CPED1: variants seen among roughly 807,000 people sequenced by gnomAD.
CPED1 encodes the protein cadherin-like and PC-esterase domain-containing protein 1.
In CPED1, 114 loss-of-function variants were observed where a neutral mutation model predicts 128.2. The observed-to-expected ratio is 0.89, with a 90% confidence interval of 0.76 to 1.04. The LOEUF (loss-of-function observed/expected upper bound fraction) is 1.04, where lower values mean the gene tolerates loss of function less well. Among genes scored for constraint, CPED1 ranks in the 50% least tolerant of loss-of-function variants. The probability of loss-of-function intolerance (pLI) is 0.00; values close to 1 mark genes in which losing one functional copy is unlikely to be tolerated. For synonymous variants in CPED1, 462 were observed against 426.7 expected (o/e 1.08, Z -1.02); for missense variants, 1,211 against 1,207.1 (o/e 1.00, Z -0.05).
Position 121,142,058 on chromosome 7 carries a change from A to T in CPED1, c.1972A>T (p.Ile658Phe), listed in dbSNP as rs149580891. 1 of 1,612,754 alleles carries T rather than the reference A, an allele frequency of 6.2e-7. No homozygotes were observed. Among genetic ancestry groups the T allele is most frequent in the East Asian group, 2.2e-5 (1 of 44,838 alleles). The change falls in exon 16 of 23, where the codon ATC becomes TTC. Residue 658 changes from isoleucine to phenylalanine, a missense_variant. Ile to Phe is a conservative substitution (Grantham distance 21). Transcript: ENST00000310396. ...ATCTCCAGCACACGGTGAGACTCTG[A>T]TCACGTACAAACTCACCATCTATAG... is the stretch of plus-strand genomic sequence containing the variant. ...DESPAHGETL[I>F]TYKLTIYRED...
At chr7:121,209,307 C>T (rs1181490215) in intron 16 of CPED1, among the ~76,000 whole-genome samples, 8 of 151,872 alleles carry the variant, frequency 5.3e-5, no homozygotes. Flanking sequence ...TTTTTCTGGT[C>T]ATGGGTTCTT....
intron 16 of CPED1, among the ~76,000 whole-genome samples, chr7:121,193,281 C>G (rs760939177): frequency 1.5e-4 from 23 of 152,070 alleles, no homozygotes; most frequent in South Asian, 6.2e-4. Context: ...AGAGAAGAAA[C>G]CAAAAGTGAA....
At chr7:121,150,799 C>T (rs1392704132) in intron 16 of CPED1, among the ~76,000 whole-genome samples, 7 of 151,644 alleles carry the variant, frequency 4.6e-5, no homozygotes, top group Admixed American at 6.6e-5. Flanking sequence ...GATGGAGTCT[C>T]GCTCTGTCAC....
At chr7:121,096,127 C>T (rs1459280927) in intron 5 of CPED1, among the ~76,000 whole-genome samples, 1 of 152,044 alleles carries the variant, frequency 6.6e-6, no homozygotes, top group Non-Finnish European at 1.5e-5. Flanking sequence ...GCTGTTCATT[C>T]ATCACCTCCA....
chr7:121,079,772 T>C (rs1238203988), intron 5 of CPED1, among the ~76,000 whole-genome samples: 1 of 152,234 alleles, frequency 6.6e-6, no homozygotes, highest in Non-Finnish European at 1.5e-5. Context: ...GTCAAACTGA[T>C]TTGGGAAATT....
chr7:121,252,337 G>T (rs1299813266), intron 18 of CPED1, among the ~76,000 whole-genome samples: 1 of 152,140 alleles, frequency 6.6e-6, no homozygotes, highest in East Asian at 1.9e-4. Context: ...AGACTTACAT[G>T]TTAGACCTAA....
chr7:121,271,589 A>G (rs1333667201), intron 22 of CPED1, among the ~76,000 whole-genome samples, 159 bp downstream of exon 22: 1 of 152,176 alleles, frequency 6.6e-6, no homozygotes, highest in Non-Finnish European at 1.5e-5. Context: ...CAAGGCATGT[A>G]GTAACCACAA....
intron 16 of CPED1, among the ~76,000 whole-genome samples, chr7:121,147,066 T>G (rs1796039456): frequency 1.3e-5 from 2 of 152,114 alleles, no homozygotes; most frequent in Admixed American, 1.3e-4. Context: ...TTGCCAAATG[T>G]CTGTTGAGGG....
intron 16 of CPED1, among the ~76,000 whole-genome samples, chr7:121,199,673 C>CAAAAAAAAAA (rs1160203035): frequency 2.3e-5 from 2 of 86,944 alleles, no homozygotes; most frequent in African/African-American, 9.2e-5. Flanking sequence ...GAGACTCCAT[C>CAAAAAAAAAA]AAAAAAAAAA....
chr7:121,235,372 G>T (rs938901024), intron 16 of CPED1, among the ~76,000 whole-genome samples: 8 of 152,176 alleles, frequency 5.3e-5, no homozygotes, highest in Non-Finnish European at 1.2e-4. Flanking sequence ...ATTAAGAAAT[G>T]AAAATATGTA....
rs530221028 is a variant in CPED1 at position 121,260,979 on chromosome 7, G to A, written c.2311-5248G>A. 3.3e-5 allele frequency among the ~76,000 whole-genome samples: 5 copies of A among 152,076 alleles called. No homozygotes were observed. In the South Asian group the frequency reaches 1.0e-3, roughly 32 times the overall value. On this transcript the variant is annotated intron_variant, in intron 18 of 22. Coordinates refer to ENST00000310396, the MANE Select transcript of CPED1 (RefSeq NM_024913.5). ...CTCTTCCTGCCGCAACAGATCAGAAGACTCTGAGAAGCTAACGAGTTATAC... is the reference window on the plus strand; with the variant it reads ...CTCTTCCTGCCGCAACAGATCAGAAAACTCTGAGAAGCTAACGAGTTATAC...
At chr7:121,186,809 G>C (rs1174027777) in intron 16 of CPED1, among the ~76,000 whole-genome samples, 1 of 152,030 alleles carries the variant, frequency 6.6e-6, no homozygotes, top group Non-Finnish European at 1.5e-5. Context: ...CTTTTCTAGA[G>C]GAGAAAAAAA....
intron 15 of CPED1, among the ~76,000 whole-genome samples, chr7:121,141,470 C>T (rs946318911): frequency 6.6e-6 from 1 of 151,978 alleles, no homozygotes; most frequent in African/African-American, 2.4e-5. Context: ...GAACCTTATT[C>T]TGTGCTGTGT....
chr7:121,101,151 C>A (rs969970976), intron 7 of CPED1, among the ~76,000 whole-genome samples: 2 of 152,072 alleles, frequency 1.3e-5, no homozygotes, highest in African/African-American at 4.8e-5. Flanking sequence ...TCTCAAGACT[C>A]TTTTGGTCTC....
At position 121,117,422 on chromosome 7, in the gene CPED1, T is replaced by C. The variant is rs568543676; in HGVS notation, c.919-6909T>C. 2.1e-3 allele frequency among the ~76,000 whole-genome samples: 324 copies of C among 152,226 alleles called. 1 individual carries two copies. Among genetic ancestry groups the C allele is most frequent in the African/African-American group, 7.6e-3 (314 of 41,554 alleles). ...GGCCAAATTATATTCAAATACAACATGTACATTAAATTAAAAAATTATATC... is the reference window on the plus strand; with the variant it reads ...GGCCAAATTATATTCAAATACAACACGTACATTAAATTAAAAAATTATATC... On this transcript the variant is annotated intron_variant, in intron 7 of 22. Transcript: ENST00000310396.
At chr7:121,120,966 T>TAAAAA (rs539242359) in intron 7 of CPED1, among the ~76,000 whole-genome samples, 28 of 91,670 alleles carry the variant, frequency 3.1e-4, no homozygotes, top group Non-Finnish European at 4.5e-4. Context: ...GTTCCTGACC[T>TAAAAA]AAAAAAAAAA....
chr7:121,199,031 A>G (rs1797329872), intron 16 of CPED1, among the ~76,000 whole-genome samples: 1 of 152,310 alleles, frequency 6.6e-6, no homozygotes, highest in South Asian at 2.1e-4. Flanking sequence ...TCTACAGTCT[A>G]TGAGTGCCCA....
chr7:121,121,794 A>G (rs1037779978), intron 7 of CPED1, among the ~76,000 whole-genome samples: 3 of 152,224 alleles, frequency 2.0e-5, no homozygotes, highest in Non-Finnish European at 4.4e-5. Flanking sequence ...TGGAATTAAC[A>G]TCAAATAATT....
chr7:121,116,730 C>T (rs798941), intron 7 of CPED1, among the ~76,000 whole-genome samples: 279 of 152,106 alleles, frequency 1.8e-3, no homozygotes, highest in African/African-American at 6.6e-3. Flanking sequence ...GGCTTCAATA[C>T]CCATGTTGGT....
Sources: gnomAD v4.1 joint callset for allele counts (sites outside exome capture counted in the v4.1 genomes callset) on GRCh38, gnomAD v4.1.1 for gene constraint, MANE v1.5 for transcripts, NCBI Gene and HGNC (gene_info 2026-07-23, HGNC 2026-07-21) for gene names.